The following MCPH1 variants were observed in gnomAD, a reference collection of about 807,000 sequenced individuals.
The protein encoded by MCPH1 is microcephalin.
Under a neutral mutation model 84.5 loss-of-function variants are expected in MCPH1, and 104 were observed. That is an observed-to-expected ratio of 1.23 (90% CI 1.05 to 1.45). The LOEUF (loss-of-function observed/expected upper bound fraction) is 1.45, where lower values mean the gene tolerates loss of function less well. MCPH1 is among the 40% of genes most tolerant of loss of function. The probability of loss-of-function intolerance (pLI) is 0.00; values close to 1 mark genes in which losing one functional copy is unlikely to be tolerated. For synonymous variants in MCPH1, 514 were observed against 366.8 expected, an observed-to-expected ratio of 1.40 and a Z score of -4.58; for missense variants, 1,498 against 1,005.7, an observed-to-expected ratio of 1.49 and a Z score of -6.62.
rs1798055338 is a variant in MCPH1 at position 6,643,341 on chromosome 8, TG to T, written c.*293del. ...GTGCAATGGCACAATCTCGGCTCAC[TG>T]CAACCTCCACCTCCCAGGTTCAAGC... On this transcript the variant is annotated 3_prime_UTR_variant, in exon 14 of 14. Coordinates refer to ENST00000344683, the MANE Select transcript of MCPH1 (RefSeq NM_024596.5). 1.4e-4 allele frequency: 58 copies of T among 411,862 alleles called. No individual in the cohort carries two copies. The highest frequency in any genetic ancestry group is 1.1e-3 in the South Asian group (45 of 41,292). The allele number at this position is 411,862 out of a possible 1,614,324, so 25.5% of individuals were successfully genotyped here. A position where few individuals can be genotyped will look rare whatever the true frequency, so the allele number is the denominator to read the frequency against.
chr8:6,594,577 A>G (rs185645301), intron 12 of MCPH1, among the ~76,000 whole-genome samples: 1 of 152,376 alleles, frequency 6.6e-6, no homozygotes, highest in Admixed American at 6.5e-5. Flanking sequence ...CGTCCTGGGC[A>G]CAGAGCCTGC....
chr8:6,500,072 C>T, intron 12 of MCPH1, 143 bp downstream of exon 12: 1 of 720,782 alleles, frequency 1.4e-6, no homozygotes, highest in Non-Finnish European at 2.5e-6. Context: ...AACTTAACAC[C>T]TTTTATCAAT....
At chr8:6,573,176 C>G (rs1297727878) in intron 12 of MCPH1, among the ~76,000 whole-genome samples, 2 of 152,170 alleles carry the variant, frequency 1.3e-5, no homozygotes, top group Non-Finnish European at 2.9e-5. Context: ...GGGTTGTACC[C>G]TGGACATAAA....
At chr8:6,489,295 T>C (rs1018604384) in intron 11 of MCPH1, among the ~76,000 whole-genome samples, 2 of 150,574 alleles carry the variant, frequency 1.3e-5, no homozygotes, top group Non-Finnish European at 3.0e-5. Context: ...GCTGTGCCCC[T>C]ATGCAGAAGT....
chr8:6,423,569 A>G (rs1347450735), intron 3 of MCPH1, among the ~76,000 whole-genome samples: 1 of 152,144 alleles, frequency 6.6e-6, no homozygotes, highest in African/African-American at 2.4e-5. Context: ...CTGTCCAGTA[A>G]TTTATGTAAG....
chr8:6,612,204 C>G (rs1024915899), intron 12 of MCPH1, among the ~76,000 whole-genome samples: 5 of 152,180 alleles, frequency 3.3e-5, no homozygotes, highest in Non-Finnish European at 7.4e-5. Context: ...GGGGCAGAAA[C>G]CAAATACATA....
chr8:6,543,973 A>G (rs1822077405), intron 12 of MCPH1, among the ~76,000 whole-genome samples: 2 of 152,226 alleles, frequency 1.3e-5, no homozygotes, highest in African/African-American at 2.4e-5. Flanking sequence ...TAAAGTTGCA[A>G]TATATTTTAA....
chr8:6,409,667 G>A (rs1798266483), intron 2 of MCPH1, among the ~76,000 whole-genome samples: 2 of 138,756 alleles, frequency 1.4e-5, no homozygotes, highest in African/African-American at 5.4e-5. Context: ...AAAGGAACAG[G>A]TTTCTAAGGG....
Position 6,421,156 on chromosome 8 carries a change from C to T in MCPH1, c.233+6273C>T, listed in dbSNP as rs977618817. ...ATCTGAAGCTTTCTTCCCGTTTCTC[C>T]GCCATTTTGTCTCTTAATGTGCATG... On this transcript the variant is annotated intron_variant, in intron 3 of 13. Coordinates refer to ENST00000344683, the MANE Select transcript of MCPH1 (RefSeq NM_024596.5). Among the ~76,000 whole-genome samples the T allele has an allele frequency of 1.1e-4, 17 of 152,156 alleles. No homozygotes were observed. The East Asian group carries it at 1.7e-3, about 15-fold the overall frequency.
intron 12 of MCPH1, among the ~76,000 whole-genome samples, chr8:6,602,916 T>C (rs1199234674): frequency 6.6e-6 from 1 of 152,028 alleles, no homozygotes; most frequent in African/African-American, 2.4e-5. Flanking sequence ...AATATATATA[T>C]ATGTATATTT....
intron 3 of MCPH1, among the ~76,000 whole-genome samples, chr8:6,419,925 A>G (rs1281561574): frequency 6.6e-6 from 1 of 152,020 alleles, no homozygotes; most frequent in Admixed American, 6.5e-5. Context: ...TTTTTAAAAT[A>G]GATTTTTAAA....
chr8:6,446,905 T>C, intron 8 of MCPH1: 1 of 984,630 alleles, frequency 1.0e-6, no homozygotes, highest in African/African-American at 1.8e-5. Context: ...CCTCCGGGGT[T>C]GGGGGTAAGT....
At chr8:6,612,228 C>T (rs531723586) in intron 12 of MCPH1, among the ~76,000 whole-genome samples, 1 of 152,280 alleles carries the variant, frequency 6.6e-6, no homozygotes, top group Admixed American at 6.5e-5. Context: ...CTCGTTATAG[C>T]ACAGTGTCAC....
At chr8:6,567,975 T>C (rs946519550) in intron 12 of MCPH1, among the ~76,000 whole-genome samples, 3 of 152,260 alleles carry the variant, frequency 2.0e-5, no homozygotes, top group African/African-American at 7.2e-5. Flanking sequence ...TCCTTAATAC[T>C]GTTTGTTTTC....
At chr8:6,640,356 C>A (rs1400724458) in intron 13 of MCPH1, among the ~76,000 whole-genome samples, 1 of 152,054 alleles carries the variant, frequency 6.6e-6, no homozygotes, top group Non-Finnish European at 1.5e-5. Context: ...CCTATAAATT[C>A]CCATGTCCAG....
intron 12 of MCPH1, among the ~76,000 whole-genome samples, chr8:6,600,670 T>A (rs1310235096): frequency 6.6e-6 from 1 of 152,240 alleles, no homozygotes; most frequent in Non-Finnish European, 1.5e-5. Context: ...AGTTTTTAGT[T>A]TATTGACTAA....
At chr8:6,438,932 G>A (rs1195022149) in intron 5 of MCPH1, 21 bp from the exon 6 acceptor site, 5 of 1,608,912 alleles carry the variant, frequency 3.1e-6, no homozygotes, top group Middle Eastern at 1.8e-4. Flanking sequence ...GTCTTAAAGT[G>A]GATTTTTTGT....
At chr8:6,592,629 T>C (rs1456451135) in intron 12 of MCPH1, among the ~76,000 whole-genome samples, 1 of 141,074 alleles carries the variant, frequency 7.1e-6, no homozygotes, top group African/African-American at 2.6e-5. Context: ...TTTTGTTTTT[T>C]TTTTTTTTTT....
At chr8:6,594,567 C>T (rs193046338) in intron 12 of MCPH1, among the ~76,000 whole-genome samples, 2 of 152,222 alleles carry the variant, frequency 1.3e-5, no homozygotes, top group African/African-American at 4.8e-5. Context: ...TTGCTGAGGG[C>T]GTCCTGGGCA....
Sources: allele counts gnomAD v4.1 joint callset (sites outside exome capture counted in the v4.1 genomes callset), GRCh38; gene constraint gnomAD v4.1.1; transcripts MANE v1.5; gene names NCBI Gene and HGNC (gene_info 2026-07-23, HGNC 2026-07-21).